CYFIP2: variants seen among roughly 807,000 people sequenced by gnomAD.
The protein encoded by CYFIP2 is cytoplasmic FMR1 interacting protein 2.
In CYFIP2, 29 loss-of-function variants were observed where a neutral mutation model predicts 158.7. The observed-to-expected ratio is 0.18, with a 90% confidence interval of 0.14 to 0.25. The LOEUF is 0.25. Ranked by LOEUF, CYFIP2 falls within the 10% of genes least tolerant of loss-of-function variation. The pLI, the probability that CYFIP2 is intolerant of heterozygous loss-of-function variation, is 1.00. For synonymous variants in CYFIP2, 585 were observed against 617.6 expected (o/e 0.95, Z 0.78); for missense variants, 852 against 1,639.5 (o/e 0.52, Z 8.29).
rs754658162 is a variant in CYFIP2 at position 157,393,029 on chromosome 5, A to AG, written c.*31dup. ...GAAGATCCTGCAGACCCTTATCTGG[A>AG]GGAGGAAGAGAAGCAGGAGAGAGAA... is the stretch of plus-strand genomic sequence containing the variant. On this transcript the variant is annotated 3_prime_UTR_variant, in exon 31 of 31. Coordinates refer to ENST00000620254, the MANE Select transcript of CYFIP2 (RefSeq NM_001037333.3). The AG allele has an allele frequency of 6.2e-7, 1 of 1,608,650 alleles. No homozygotes were observed. The highest frequency in any genetic ancestry group is 1.1e-5 in the South Asian group (1 of 90,392).
At chr5:157,299,155 G>A (rs918830520) in intron 5 of CYFIP2, among the ~76,000 whole-genome samples, 12 of 55,124 alleles carry the variant, frequency 2.2e-4, no homozygotes, top group South Asian at 7.2e-4. Flanking sequence ...ATTCTCTCAC[G>A]TCTATCTTTG....
chr5:157,383,344 G>A lies in CYFIP2; in HGVS notation c.3192G>A (p.Arg1064=). ...TCCACCTGGTCCCTCTGATCGAGCG[G>A]CTGGGGACCCCTCAGGTACCAATCT... The part of the protein sequence containing the change: ...APLHLVPLIE[R]LGTPQQIAIA... The change falls in exon 28 of 31, where the codon CGG becomes CGA. Residue 1064 remains arginine (R), a synonymous_variant. Coordinates refer to ENST00000620254, the MANE Select transcript of CYFIP2 (RefSeq NM_001037333.3). 1 of 1,613,778 alleles carries A rather than the reference G, an allele frequency of 6.2e-7. No individual in the cohort carries two copies. The highest frequency in any genetic ancestry group is 8.5e-7 in the Non-Finnish European group (1 of 1,179,808).
At chr5:157,345,710 A>C (rs911467663) in intron 23 of CYFIP2, 2 of 152,662 alleles carry the variant, frequency 1.3e-5, no homozygotes, top group Non-Finnish European at 2.9e-5. Flanking sequence ...ATTTCTTCAG[A>C]TCAGCATCAT....
chr5:157,356,879 G>A (rs749481468), intron 23 of CYFIP2, among the ~76,000 whole-genome samples: 13 of 152,120 alleles, frequency 8.5e-5, no homozygotes, highest in Non-Finnish European at 1.8e-4. Flanking sequence ...CTGGCCCCAC[G>A]GTTAGCTAAA....
chr5:157,320,860 TA>T (rs1760538720), intron 15 of CYFIP2, 58 bp downstream of exon 15: 1 of 1,464,864 alleles, frequency 6.8e-7, no homozygotes, highest in Admixed American at 2.7e-5. Context: ...CGGGCTATGG[TA>T]GATCATCATG....
chr5:157,330,607 A>G, intron 19 of CYFIP2, 135 bp from the exon 20 acceptor site: 1 of 635,106 alleles, frequency 1.6e-6, no homozygotes, highest in South Asian at 2.2e-5. Context: ...TGTCTAGAGC[A>G]GAAAACAATT....
At chr5:157,388,718 T>C (rs1320192875) in intron 28 of CYFIP2, among the ~76,000 whole-genome samples, 1 of 152,210 alleles carries the variant, frequency 6.6e-6, no homozygotes, top group African/African-American at 2.4e-5. Context: ...ACTGGCTGCC[T>C]CTCTGAACCT....
chr5:157,383,164 T>C, intron 27 of CYFIP2, 101 bp from the exon 28 acceptor site: 1 of 994,310 alleles, frequency 1.0e-6, no homozygotes. Context: ...CATCCCATTT[T>C]TGGAATGCAG....
intron 23 of CYFIP2, among the ~76,000 whole-genome samples, chr5:157,351,520 A>T (rs916235436): frequency 6.6e-6 from 1 of 152,256 alleles, no homozygotes; most frequent in Non-Finnish European, 1.5e-5. Flanking sequence ...CTCGTTTTAC[A>T]AACCACATGA....
intron 23 of CYFIP2, chr5:157,342,641 C>T (rs10037386): frequency 0.1 from 47,749 of 474,388 alleles, 2,638 homozygotes; most frequent in South Asian, 0.12. Context: ...TCCGAGTGGA[C>T]GCTGCTGCTG....
chr5:157,309,653 G>C (rs976170932), intron 9 of CYFIP2, 90 bp from the exon 10 acceptor site: 30 of 1,193,180 alleles, frequency 2.5e-5, no homozygotes, highest in Admixed American at 1.0e-4. Context: ...GGCACACACA[G>C]AGGCCTGCCT....
chr5:157,284,039 G>T (rs1423119040), intron 1 of CYFIP2, among the ~76,000 whole-genome samples: 1 of 152,004 alleles, frequency 6.6e-6, no homozygotes, highest in East Asian at 1.9e-4. Context: ...TGTGTTTAGG[G>T]TTGGCTTTAT....
In CYFIP2 at chr5:157,382,581, T is replaced by C. The variant is rs1766237242; in HGVS notation, c.3040-9T>C. 1 of 1,613,878 alleles carries C rather than the reference T, an allele frequency of 6.2e-7. No homozygotes were observed. The highest frequency in any genetic ancestry group is 8.5e-7 in the Non-Finnish European group (1 of 1,179,808). On this transcript the variant is annotated splice_polypyrimidine_tract_variant and intron_variant, in intron 26 of 30. Coordinates refer to ENST00000620254, the MANE Select transcript of CYFIP2 (RefSeq NM_001037333.3). Reference sequence around the variant, plus strand: ...ATTGTTTTCTCTTTCTTTACCCCCATCTCTGCAGTCTCAGGAGGAGGTCTG... The same window carrying C: ...ATTGTTTTCTCTTTCTTTACCCCCACCTCTGCAGTCTCAGGAGGAGGTCTG...
chr5:157,388,869 A>G (rs949686959), intron 28 of CYFIP2, among the ~76,000 whole-genome samples: 10 of 152,250 alleles, frequency 6.6e-5, no homozygotes, highest in African/African-American at 2.4e-4. Context: ...TAATTATAGT[A>G]GAAGCAGTAG....
intron 21 of CYFIP2, among the ~76,000 whole-genome samples, chr5:157,336,265 A>G (rs1761851044): frequency 1.3e-5 from 2 of 152,246 alleles, no homozygotes; most frequent in East Asian, 3.8e-4. Context: ...CTGAGCAAAC[A>G]GAGTCTCAGC....
intron 26 of CYFIP2, among the ~76,000 whole-genome samples, chr5:157,370,036 A>G (rs1261808298): frequency 6.6e-6 from 1 of 152,078 alleles, no homozygotes; most frequent in Non-Finnish European, 1.5e-5. Flanking sequence ...ACCTGCCACC[A>G]TGCCTGGATA....
chr5:157,283,556 C>A (rs902956188), intron 1 of CYFIP2, among the ~76,000 whole-genome samples: 2 of 152,094 alleles, frequency 1.3e-5, no homozygotes, highest in African/African-American at 4.8e-5. Flanking sequence ...GACCTGAAAC[C>A]ACCATAGGAG....
chr5:157,316,328 TAAA>T (rs1760144604), intron 13 of CYFIP2, among the ~76,000 whole-genome samples: 1 of 151,978 alleles, frequency 6.6e-6, no homozygotes, highest in Non-Finnish European at 1.5e-5. Flanking sequence ...ATATAAAAAA[TAAA>T]AATCCAAATA....
chr5:157,357,343 G>A (rs1763480995), intron 23 of CYFIP2, among the ~76,000 whole-genome samples: 1 of 152,142 alleles, frequency 6.6e-6, no homozygotes, highest in African/African-American at 2.4e-5. Context: ...TTTCTTGATG[G>A]CTCCAAAGGG....
Sources: gnomAD v4.1 joint callset for allele counts (sites outside exome capture counted in the v4.1 genomes callset) on GRCh38, gnomAD v4.1.1 for gene constraint, MANE v1.5 for transcripts, NCBI Gene and HGNC (gene_info 2026-07-23, HGNC 2026-07-21) for gene names.